Variants in TMEM192 observed in about 807,000 individuals in gnomAD.
The protein encoded by TMEM192 is transmembrane protein 192.
Under a neutral mutation model 26.7 loss-of-function variants are expected in TMEM192, and 20 were observed. The ratio of observed to expected loss-of-function variants is 0.75; its 90% CI spans 0.53 to 1.09. TMEM192 has a LOEUF of 1.09. Among genes scored for constraint, TMEM192 ranks in the 50% least tolerant of loss-of-function variants. The pLI, the probability that TMEM192 is intolerant of heterozygous loss-of-function variation, is 0.00. For missense variants in TMEM192, 304 were observed against 322.6 expected (o/e 0.94, Z 0.44); for synonymous variants, 124 against 121.0 (o/e 1.02, Z -0.16).
chr4:165,104,753 A>T (rs1415321402), intron 1 of TMEM192, among the ~76,000 whole-genome samples: 1 of 151,694 alleles, frequency 6.6e-6, no homozygotes, highest in Non-Finnish European at 1.5e-5. Context: ...CTGGTCTCAA[A>T]CTCCCAACCC....
At position 165,079,700 on chromosome 4, in the gene TMEM192, A is replaced by C; in HGVS notation, c.774T>G (p.Ala258=). Residue 258 remains alanine, a synonymous_variant, in exon 6 of 6, where the codon GCT becomes GCG. Transcript: ENST00000306480. Reference sequence around the variant, plus strand: ...GACAGCCCAGGTCTGAGGAAGTGAGAGCCAACAATCGCTTACTCAGCAGCG... The same window carrying C: ...GACAGCCCAGGTCTGAGGAAGTGAGCGCCAACAATCGCTTACTCAGCAGCG... ...HNALLSKRLL[A]LTSSDLGCQP... 8.1e-6 allele frequency: 13 copies of C among 1,613,902 alleles called. No individual in the cohort carries two copies. Among genetic ancestry groups the C allele is most frequent in the Non-Finnish European group, 1.1e-5 (13 of 1,179,910 alleles).
intron 3 of TMEM192, among the ~76,000 whole-genome samples, chr4:165,089,359 C>T (rs775488957): frequency 2.4e-4 from 37 of 152,060 alleles, no homozygotes; most frequent in Non-Finnish European, 4.9e-4. Context: ...CTCACTCTGT[C>T]GCCCAGGCTG....
intron 5 of TMEM192, among the ~76,000 whole-genome samples, chr4:165,080,046 CTTTA>C (rs977750741): frequency 6.6e-6 from 1 of 152,070 alleles, no homozygotes; most frequent in African/African-American, 2.4e-5. Flanking sequence ...GCCATCATTG[CTTTA>C]TTTAAGAAGG....
At chr4:165,097,786 T>C (rs1734948474) in intron 3 of TMEM192, among the ~76,000 whole-genome samples, 1 of 144,494 alleles carries the variant, frequency 6.9e-6, no homozygotes. Context: ...GACTAATTTA[T>C]TTATTTTATT....
At chr4:165,107,165 C>G (rs1478476660) in intron 1 of TMEM192, among the ~76,000 whole-genome samples, 1 of 151,834 alleles carries the variant, frequency 6.6e-6, no homozygotes. Context: ...GCTGGAATTA[C>G]AAGTGCCCGA....
intron 1 of TMEM192, 65 bp downstream of exon 1, chr4:165,112,682 C>A: frequency 6.3e-7 from 1 of 1,597,692 alleles, no homozygotes; most frequent in Non-Finnish European, 8.5e-7. Context: ...GTCTCCGCCC[C>A]GTGCGCCCCG....
chr4:165,102,625 A>G (rs1735062949), intron 2 of TMEM192, among the ~76,000 whole-genome samples: 1 of 152,176 alleles, frequency 6.6e-6, no homozygotes, highest in Non-Finnish European at 1.5e-5. Flanking sequence ...GCATTTCCTT[A>G]TATGAATGGG....
Position 165,100,749 on chromosome 4 carries a change from G to A in TMEM192, c.318C>T (p.Leu106=), listed in dbSNP as rs774346631. ...IILGKVILWI[L]HLLLECYIQY... is the part of the protein sequence containing the mutation. ...GGATGTAGCATTCAAGGAGTAAATG[G>A]AGAATCCACAAAATAACTTTCCCAA... The change falls in exon 3 of 6, where the codon CTC becomes CTT. Residue 106 remains leucine (L), a synonymous_variant. Transcript: ENST00000306480. The A allele has an allele frequency of 9.9e-6, 16 of 1,613,876 alleles. No individual in the cohort carries two copies. Among genetic ancestry groups the A allele is most frequent in the East Asian group, 2.2e-5 (1 of 44,860 alleles).
intron 3 of TMEM192, among the ~76,000 whole-genome samples, chr4:165,089,707 G>A (rs1734709519): frequency 6.6e-6 from 1 of 152,000 alleles, no homozygotes; most frequent in Non-Finnish European, 1.5e-5. Context: ...GAAGAGTTCT[G>A]GTTTCTATGA....
At chr4:165,108,016 A>G (rs1452948662) in intron 1 of TMEM192, among the ~76,000 whole-genome samples, 1 of 151,756 alleles carries the variant, frequency 6.6e-6, no homozygotes, top group East Asian at 1.9e-4. Flanking sequence ...AGTACAGCTC[A>G]CATTTTCCTG....
At position 165,071,107 on chromosome 4, in the gene TMEM192, C is replaced by T. The variant is rs1579196576; in HGVS notation, c.*8551G>A. On this transcript the variant is annotated 3_prime_UTR_variant, in exon 6 of 6. Coordinates refer to ENST00000306480, the MANE Select transcript of TMEM192 (RefSeq NM_001100389.2). ...CAGATAGTACTAAACCCTACGAACA[C>T]TATATTTTTTCCTATCCACACATAA... The T allele has an allele frequency of 1.3e-5, 2 of 152,106 alleles. No homozygotes were observed. Among genetic ancestry groups the T allele is most frequent in the African/African-American group, 4.8e-5 (2 of 41,402 alleles). The allele number at this position is 152,106 out of a possible 1,614,324, so 9.4% of individuals were successfully genotyped here. A position where few individuals can be genotyped will look rare whatever the true frequency, so the allele number is the denominator to read the frequency against.
At chr4:165,084,069 C>T (rs1383751895) in intron 5 of TMEM192, among the ~76,000 whole-genome samples, 1 of 151,918 alleles carries the variant, frequency 6.6e-6, no homozygotes, top group East Asian at 1.9e-4. Context: ...ATCTGCCCAC[C>T]TCAGCCTCTT....
intron 4 of TMEM192, 38 bp downstream of exon 4, chr4:165,088,430 C>T (rs533372965): frequency 2.3e-5 from 37 of 1,586,394 alleles, no homozygotes; most frequent in Non-Finnish European, 2.7e-5. Context: ...GGAAGCAGTT[C>T]GAAGTTCCTA....
chr4:165,086,030 A>G (rs1020291938), intron 4 of TMEM192, among the ~76,000 whole-genome samples: 1 of 152,222 alleles, frequency 6.6e-6, no homozygotes, highest in African/African-American at 2.4e-5. Flanking sequence ...CATCTAATTC[A>G]GAAATCATGA....
chr4:165,093,991 C>T (rs892274781), intron 3 of TMEM192, among the ~76,000 whole-genome samples: 1 of 152,144 alleles, frequency 6.6e-6, no homozygotes, highest in Non-Finnish European at 1.5e-5. Flanking sequence ...CCTCCGCCTC[C>T]CAGGTTCAAG....
In TMEM192 at chr4:165,077,081, G is replaced by GTT. The variant is rs1734400193; in HGVS notation, c.*2576_*2577insAA. 6.6e-6 allele frequency: 1 copy of GTT among 152,172 alleles called. No individual in the cohort carries two copies. The highest frequency in any genetic ancestry group is 2.4e-5 in the African/African-American group (1 of 41,450). 9.4% of individuals were successfully genotyped at this position (152,172 alleles called of 1,614,324 possible). On this transcript the variant is annotated 3_prime_UTR_variant, in exon 6 of 6. Coordinates refer to ENST00000306480, the MANE Select transcript of TMEM192 (RefSeq NM_001100389.2). ...CTCCCGAAGTGCTGGGATTACAGGC[G>GTT]TAAGCCACTGCATCAGCTGTTTTGC...
intron 5 of TMEM192, among the ~76,000 whole-genome samples, chr4:165,085,240 T>C (rs2110745370): frequency 7.9e-6 from 1 of 126,754 alleles, no homozygotes; most frequent in African/African-American, 3.1e-5. Context: ...GCCACTGCAC[T>C]CCAGCCTGGG....
Position 165,100,630 on chromosome 4 carries a change from G to A in TMEM192, c.437C>T (p.Ser146Phe). Residue 146 changes from serine to phenylalanine, a missense_variant and splice_region_variant, in exon 3 of 6, where the codon TCT (serine) becomes TTT (phenylalanine). By Grantham distance (155) the Ser-to-Phe change is radical (BLOSUM62 -2). Coordinates refer to ENST00000306480, the MANE Select transcript of TMEM192 (RefSeq NM_001100389.2). ...AGCTGAGAGAAAATTGGACATACCA[G>A]AGGACTGTATCATCAACGCAAGTCT... ...LKRLALMIQS[S>F]GNTVLLLILC... The A allele has an allele frequency of 6.2e-7, 1 of 1,613,972 alleles. No individual in the cohort carries two copies. Among genetic ancestry groups the A allele is most frequent in the Non-Finnish European group, 8.5e-7 (1 of 1,179,938 alleles).
intron 3 of TMEM192, among the ~76,000 whole-genome samples, chr4:165,091,627 C>T (rs1281188459): frequency 6.6e-6 from 1 of 151,778 alleles, no homozygotes; most frequent in African/African-American, 2.4e-5. Flanking sequence ...TTCTTAGCAG[C>T]AAAGGAAGTT....
Sources: gnomAD v4.1 joint callset for allele counts (sites outside exome capture counted in the v4.1 genomes callset) on GRCh38, gnomAD v4.1.1 for gene constraint, MANE v1.5 for transcripts, NCBI Gene and HGNC (gene_info 2026-07-23, HGNC 2026-07-21) for gene names.